The following FAM149A variants were observed in gnomAD, a reference collection of about 807,000 sequenced individuals.
FAM149A encodes the protein protein FAM149A.
A neutral mutation model predicts 78.2 loss-of-function variants in FAM149A; 71 were observed. That is an observed-to-expected ratio of 0.91 (90% CI 0.75 to 1.11). The LOEUF is 1.11. Among genes scored for constraint, FAM149A ranks in the 50% least tolerant of loss-of-function variants. The pLI is 0.00. For missense variants in FAM149A, 1,036 were observed against 971.0 expected, an observed-to-expected ratio of 1.07 and a Z score of -0.89; for synonymous variants, 446 against 410.5, an observed-to-expected ratio of 1.09 and a Z score of -1.04.
At chr4:186,110,767 G>A (rs2099310909) in intron 1 of FAM149A, among the ~76,000 whole-genome samples, 1 of 146,930 alleles carries the variant, frequency 6.8e-6, no homozygotes, top group Non-Finnish European at 1.5e-5. Flanking sequence ...GTGTATATGT[G>A]CCACATTTTC....
chr4:186,124,443 G>A (rs2099317432), intron 1 of FAM149A, among the ~76,000 whole-genome samples: 1 of 150,192 alleles, frequency 6.7e-6, no homozygotes, highest in Admixed American at 6.6e-5. Flanking sequence ...GCCCCGGTGT[G>A]TGATGTTCCC....
At chr4:186,167,534 G>A (rs1378101483) in intron 13 of FAM149A, 3 of 468,806 alleles carry the variant, frequency 6.4e-6, no homozygotes, top group South Asian at 2.0e-5. Flanking sequence ...AAAAAAAAAT[G>A]CTGTCTTAGG....
rs1284977028 is a variant in FAM149A at position 186,157,650 on chromosome 4, C to T, written c.1506C>T (p.Ala502=). The T allele has an allele frequency of 2.5e-6, 4 of 1,614,010 alleles. No homozygotes were observed. In the East Asian group the frequency reaches 8.9e-5, roughly 36 times the overall value. Residue 502 remains alanine, a synonymous_variant, in exon 8 of 14, where the codon GCC becomes GCT. Coordinates refer to ENST00000389354, the MANE Select transcript of FAM149A (RefSeq NM_001367768.3). ...TTCCACACGCTCACGCCGATGGAGC[C>T]AGTGGCCCCCCGTCCGGACACGCCG...
At chr4:186,128,072 C>T (rs2099319170) in intron 1 of FAM149A, among the ~76,000 whole-genome samples, 1 of 143,272 alleles carries the variant, frequency 7.0e-6, no homozygotes, top group Non-Finnish European at 1.5e-5. Flanking sequence ...CTCACTGCAA[C>T]CTCCGCCTCC....
At chr4:186,123,477 T>C in intron 1 of FAM149A, 1 of 625,262 alleles carries the variant, frequency 1.6e-6, no homozygotes, top group Non-Finnish European at 2.0e-6. Context: ...TCTTTATTAA[T>C]AAGGGCCATT....
In FAM149A at chr4:186,149,577, C is replaced by G. The variant is rs1733309636; in HGVS notation, c.678-16C>G. On this transcript the variant is annotated splice_polypyrimidine_tract_variant and intron_variant, in intron 2 of 13. Coordinates refer to ENST00000389354, the MANE Select transcript of FAM149A (RefSeq NM_001367768.3). ...GTTCATTCCTGCAGCAAATCCTTGT[C>G]ATCCTTTTCCTCCAGCGGAAGCCAT... 7.8e-7 allele frequency: 1 copy of G among 1,289,740 alleles called. No individual in the cohort carries two copies. Among genetic ancestry groups the G allele is most frequent in the Admixed American group, 2.3e-5 (1 of 43,550 alleles). The allele number at this position is 1,289,740 out of a possible 1,614,324, so 79.9% of individuals were successfully genotyped here.
In FAM149A at chr4:186,144,735, C is replaced by CGGGGCT; in HGVS notation, c.567-4433_567-4432insTGGGGC. The CGGGGCT allele has an allele frequency of 4.7e-6, 4 of 858,166 alleles. No individual in the cohort carries two copies. Among genetic ancestry groups the CGGGGCT allele is most frequent in the Non-Finnish European group, 5.6e-6 (4 of 713,700 alleles). 53.2% of individuals were successfully genotyped at this position (858,166 alleles called of 1,614,324 possible). On this transcript the variant is annotated intron_variant, in intron 1 of 13. Coordinates refer to ENST00000389354, the MANE Select transcript of FAM149A (RefSeq NM_001367768.3). The surrounding 1 kb of genome is among the most constrained non-coding windows in gnomAD (Gnocchi z 4.2). ...CCGGAGGTCGGCGCGGGGCCGGGGC[C>CGGGGCT]GGGGCCGGGGCCCGGAGCGGGGATG...
chr4:186,149,137 A>G (rs1452006286), intron 1 of FAM149A, 36 bp from the exon 2 acceptor site: 3 of 1,258,450 alleles, frequency 2.4e-6, no homozygotes, highest in South Asian at 1.3e-5. Context: ...ATATTATTAC[A>G]TTAGGGAGAC....
chr4:186,150,520 C>T (rs570940036), intron 3 of FAM149A, among the ~76,000 whole-genome samples: 77 of 131,536 alleles, frequency 5.9e-4, no homozygotes, highest in African/African-American at 1.9e-3. Flanking sequence ...CCCGGGTTCA[C>T]GCCATTCTCC....
chr4:186,141,155 G>A (rs998237837), intron 1 of FAM149A, among the ~76,000 whole-genome samples: 13 of 152,294 alleles, frequency 8.5e-5, no homozygotes, highest in Non-Finnish European at 1.6e-4. Context: ...TTTGAAAAGT[G>A]TCTGTTCATG....
chr4:186,123,946 A>G (rs990515810), intron 1 of FAM149A: 3 of 985,012 alleles, frequency 3.0e-6, no homozygotes, highest in East Asian at 1.1e-4. Context: ...ACAAAATTCT[A>G]TTCTAAAAAT....
chr4:186,127,339 T>C, intron 1 of FAM149A: 2 of 985,446 alleles, frequency 2.0e-6, no homozygotes, highest in Non-Finnish European at 2.4e-6. Context: ...TACTTCACAG[T>C]AAACATCCTT....
At chr4:186,111,855 C>T (rs2099311427) in intron 1 of FAM149A, among the ~76,000 whole-genome samples, 1 of 151,512 alleles carries the variant, frequency 6.6e-6, no homozygotes, top group African/African-American at 2.4e-5. Flanking sequence ...GTTCTTTTGG[C>T]TTAGGATTGC....
chr4:186,105,156 C>A lies in FAM149A; in HGVS notation c.80C>A (p.Ser27Tyr). ...TCGACGGCGCCCCCCGCAGGCCCCT[C>A]CTCCAGACCCTCGGGAGGTGCTGCC... Residue 27 changes from serine (S) to tyrosine (Y), a missense_variant, in exon 1 of 14, where the codon TCC becomes TAC. Coordinates refer to ENST00000389354, the MANE Select transcript of FAM149A (RefSeq NM_001367768.3). The A allele has an allele frequency of 7.8e-7, 1 of 1,279,548 alleles. No individual in the cohort carries two copies. Among genetic ancestry groups the A allele is most frequent in the Non-Finnish European group, 1.0e-6 (1 of 984,620 alleles). 79.3% of individuals were successfully genotyped at this position (1,279,548 alleles called of 1,614,324 possible).
At chr4:186,124,275 T>TA (rs397728878) in intron 1 of FAM149A, 4 of 958,688 alleles carry the variant, frequency 4.2e-6, no homozygotes, top group African/African-American at 1.8e-5. Flanking sequence ...CTTTTTTTTT[T>TA]ATTATACTTT....
At chr4:186,134,563 A>C (rs1285219385) in intron 1 of FAM149A, among the ~76,000 whole-genome samples, 1 of 152,126 alleles carries the variant, frequency 6.6e-6, no homozygotes, top group African/African-American at 2.4e-5. Context: ...GCTCTCCCAA[A>C]TGTCTTCGTT....
intron 1 of FAM149A, among the ~76,000 whole-genome samples, chr4:186,143,389 G>T: frequency 1.1e-5 from 1 of 90,838 alleles, no homozygotes. Context: ...TAGTTTTCCT[G>T]ATAGATATGT....
intron 9 of FAM149A, 89 bp from the exon 10 acceptor site, chr4:186,163,335 T>C (rs1561416105): frequency 3.0e-6 from 3 of 1,001,728 alleles, no homozygotes; most frequent in African/African-American, 3.2e-5. Flanking sequence ...GCCAGACTGT[T>C]CTAGGCAGTG....
chr4:186,168,993 G>A (rs866090339), intron 13 of FAM149A, among the ~76,000 whole-genome samples: 7 of 152,246 alleles, frequency 4.6e-5, no homozygotes, highest in South Asian at 2.1e-4. Flanking sequence ...GGCCAGCGGC[G>A]GGTGGTGCTG....
Sources: gnomAD v4.1 joint callset for allele counts (sites outside exome capture counted in the v4.1 genomes callset) on GRCh38, gnomAD v4.1.1 for gene constraint, Gnocchi (gnomAD v3.1) non-coding constraint, MANE v1.5 for transcripts, NCBI Gene and HGNC (gene_info 2026-07-23, HGNC 2026-07-21) for gene names.